LRRK2: variants seen among roughly 807,000 people sequenced by gnomAD.
LRRK2 encodes the protein leucine-rich repeat serine/threonine-protein kinase 2.
In LRRK2, 203 loss-of-function variants were observed where a neutral mutation model predicts 302.6. The observed-to-expected ratio is 0.67, with a 90% CI of 0.60 to 0.75. The LOEUF (loss-of-function observed/expected upper bound fraction) is 0.75, where lower values mean the gene tolerates loss of function less well. LRRK2 is among the 30% of genes least tolerant of loss of function. LRRK2 has a pLI of 0.00. For missense variants in LRRK2, 2,830 were observed against 2,951.0 expected, an observed-to-expected ratio of 0.96 and a Z score of 0.95; for synonymous variants, 1,066 against 1,031.9, an observed-to-expected ratio of 1.03 and a Z score of -0.63.
intron 5 of LRRK2, among the ~76,000 whole-genome samples, chr12:40,238,335 T>G (rs1726836543): frequency 6.6e-6 from 1 of 152,162 alleles, no homozygotes; most frequent in Admixed American, 6.6e-5. Flanking sequence ...TAGACTTTCT[T>G]CAATTGCTTA....
chr12:40,284,980 A>G (rs1943861848), intron 19 of LRRK2, among the ~76,000 whole-genome samples: 1 of 152,116 alleles, frequency 6.6e-6, no homozygotes. Flanking sequence ...AAAAGTACCC[A>G]TCCATGCAAT....
At chr12:40,316,854 A>G (rs1945240921) in intron 33 of LRRK2, among the ~76,000 whole-genome samples, 3 of 152,056 alleles carry the variant, frequency 2.0e-5, no homozygotes, top group Admixed American at 2.0e-4. Flanking sequence ...AGTTTTAAAT[A>G]TATCCAGCAA....
chr12:40,321,526 G>A (rs1338806600), intron 35 of LRRK2, among the ~76,000 whole-genome samples: 5 of 151,958 alleles, frequency 3.3e-5, no homozygotes, highest in South Asian at 2.1e-4. Context: ...GAGCAAATCC[G>A]GTGTTTATAA....
At chr12:40,260,047 C>T (rs547714176) in intron 13 of LRRK2, among the ~76,000 whole-genome samples, 1 of 152,180 alleles carries the variant, frequency 6.6e-6, no homozygotes, top group African/African-American at 2.4e-5. Context: ...TACTCATTTA[C>T]CTCAATGGCT....
chr12:40,293,197 T>C (rs867965549), intron 20 of LRRK2, among the ~76,000 whole-genome samples: 1 of 152,090 alleles, frequency 6.6e-6, no homozygotes, highest in African/African-American at 2.4e-5. Context: ...TTATAACTTA[T>C]GTAACCGTTG....
rs904771911 is a variant in LRRK2 at position 40,263,777 on chromosome 12, C to T, written c.1544-12C>T. The stretch of plus-strand genomic sequence containing the variant: ...GAAAATTCTTTCTTTATTTATTTAT[C>T]TGTGCATTTAGGCATGCCAGAAGAA... On this transcript the variant is annotated splice_polypyrimidine_tract_variant and intron_variant, in intron 13 of 50. Coordinates refer to ENST00000298910, the MANE Select transcript of LRRK2 (RefSeq NM_198578.4). 3.2e-6 allele frequency: 5 copies of T among 1,550,320 alleles called. No individual in the cohort carries two copies. The highest frequency in any genetic ancestry group is 2.7e-5 in the African/African-American group (2 of 73,468).
chr12:40,243,779 A>G, intron 7 of LRRK2, 98 bp downstream of exon 7: 1 of 1,140,946 alleles, frequency 8.8e-7, no homozygotes, highest in Non-Finnish European at 1.3e-6. Flanking sequence ...TAGCATATTG[A>G]CATACTTTGA....
chr12:40,249,591 A>C (rs937959289), intron 7 of LRRK2, among the ~76,000 whole-genome samples: 1 of 152,210 alleles, frequency 6.6e-6, no homozygotes, highest in Admixed American at 6.5e-5. Context: ...GCAAACTAGT[A>C]TCATTACTTT....
rs944274682 is a variant in LRRK2 at position 40,304,792 on chromosome 12, C to G, written c.3777+658C>G. ...TTTTGTTTTTTAAACAAGTTGTAAG[C>G]CTACCCTATGGTAAATGGATATGGT... On this transcript the variant is annotated intron_variant, in intron 27 of 50. Transcript: ENST00000298910. 2.6e-5 allele frequency: 4 copies of G among 151,826 alleles called. No individual in the cohort carries two copies. The East Asian group carries it at 7.7e-4, about 29-fold the overall frequency. 9.4% of individuals were successfully genotyped at this position (151,826 alleles called of 1,614,324 possible).
intron 12 of LRRK2, 92 bp downstream of exon 12, chr12:40,257,469 A>G: frequency 6.8e-7 from 1 of 1,470,120 alleles, no homozygotes. Context: ...ATGAAAAGAA[A>G]AAGAAAAACA....
At chr12:40,360,139 A>G (rs1315552365) in intron 47 of LRRK2, among the ~76,000 whole-genome samples, 1 of 152,126 alleles carries the variant, frequency 6.6e-6, no homozygotes, top group Non-Finnish European at 1.5e-5. Context: ...TTGGGCAATA[A>G]CCTTTCACAT....
chr12:40,249,526 C>T (rs913721428), intron 7 of LRRK2, among the ~76,000 whole-genome samples: 1 of 151,890 alleles, frequency 6.6e-6, no homozygotes, highest in Non-Finnish European at 1.5e-5. Context: ...ATTGTCGTGC[C>T]GTGTGTCACA....
intron 6 of LRRK2, among the ~76,000 whole-genome samples, chr12:40,241,368 C>T (rs940893028): frequency 1.3e-5 from 2 of 152,158 alleles, no homozygotes; most frequent in Admixed American, 6.6e-5. Flanking sequence ...AATTTAGCCA[C>T]ATTTTTCACC....
At chr12:40,347,049 T>C in intron 42 of LRRK2, 126 bp downstream of exon 42, 3 of 744,380 alleles carry the variant, frequency 4.0e-6, no homozygotes. Flanking sequence ...AGTGCATAAA[T>C]ATTCTTAAAT....
At position 40,318,887 on chromosome 12, in the gene LRRK2, C is replaced by T. The variant is rs547269252; in HGVS notation, c.4828-1101C>T. 3.9e-5 allele frequency among the ~76,000 whole-genome samples: 6 copies of T among 152,072 alleles called. No individual in the cohort carries two copies. In the East Asian group the frequency reaches 9.7e-4, roughly 25 times the overall value. ...ACAACAGTTTTTATTATTTATAGGCCCATTGCACACTGTCATTAAATACCA... is the reference window on the plus strand; with the variant it reads ...ACAACAGTTTTTATTATTTATAGGCTCATTGCACACTGTCATTAAATACCA... On this transcript the variant is annotated intron_variant, in intron 33 of 50. Coordinates refer to ENST00000298910, the MANE Select transcript of LRRK2 (RefSeq NM_198578.4).
intron 25 of LRRK2, among the ~76,000 whole-genome samples, chr12:40,301,496 T>C (rs1175609672): frequency 6.6e-6 from 1 of 152,156 alleles, no homozygotes; most frequent in Non-Finnish European, 1.5e-5. Context: ...GTGTTTTCCA[T>C]ACAGCATATG....
chr12:40,249,737 C>A, intron 7 of LRRK2, 89 bp from the exon 8 acceptor site: 1 of 1,421,572 alleles, frequency 7.0e-7, no homozygotes, highest in Non-Finnish European at 9.9e-7. Flanking sequence ...CATCACCATT[C>A]AAAATTATTG....
rs1946916737 is a variant in LRRK2, at chr12:40,367,568, T to G, written c.7463-76T>G. 4.2e-5 allele frequency: 62 copies of G among 1,463,988 alleles called. 2 individuals carry two copies. The South Asian group carries it at 7.8e-4, about 18-fold the overall frequency. The allele number at this position is 1,463,988 out of a possible 1,614,324, so 90.7% of individuals were successfully genotyped here. A position where few individuals can be genotyped will look rare whatever the true frequency, so the allele number is the denominator to read the frequency against. On this transcript the variant is annotated intron_variant, in intron 50 of 50. Transcript: ENST00000298910. ...TTTATCTAAGTCAACTAAAAATACA[T>G]GAGCCAAACTGAAATAAAATAAGAA...
At position 40,295,573 on chromosome 12, in the gene LRRK2, C is replaced by G. The variant is rs373366713; in HGVS notation, c.3025C>G (p.His1009Asp). 1.2e-6 allele frequency: 2 copies of G among 1,613,888 alleles called. No individual in the cohort carries two copies. The highest frequency in any genetic ancestry group is 1.7e-6 in the Non-Finnish European group (2 of 1,179,984). Residue 1009 changes from histidine (H) to aspartate (D), a missense_variant, in exon 23 of 51, where the codon CAT becomes GAT. Physicochemically the swap from His to Asp is moderately conservative, Grantham distance 81. Transcript: ENST00000298910. ...ALSQKCCISV[H>D]LEHLEKLELH... is the part of the protein sequence containing the mutation. Reference sequence around the variant, plus strand: ...AAGCCAGAAATGCTGTATAAGTGTTCATTTGGAGCATCTTGAAAAGCTGGA... The same window carrying G: ...AAGCCAGAAATGCTGTATAAGTGTTGATTTGGAGCATCTTGAAAAGCTGGA...
Sources: allele counts gnomAD v4.1 joint callset (sites outside exome capture counted in the v4.1 genomes callset), GRCh38; gene constraint gnomAD v4.1.1; transcripts MANE v1.5; gene names NCBI Gene and HGNC (gene_info 2026-07-23, HGNC 2026-07-21).